Variants in IGSF10 observed in about 807,000 individuals in gnomAD.
The protein encoded by IGSF10 is calvaria mechanical force protein 608.
In IGSF10, 126 loss-of-function variants were observed where a neutral mutation model predicts 128.2. The ratio of observed to expected loss-of-function variants is 0.98; its 90% confidence interval spans 0.85 to 1.14. The LOEUF is 1.14. IGSF10 is among the 50% of genes most tolerant of loss of function. The probability of loss-of-function intolerance (pLI) is 0.00; values close to 1 mark genes in which losing one functional copy is unlikely to be tolerated. For missense variants in IGSF10, 3,295 were observed against 3,149.8 expected (o/e 1.05, Z -1.10); for synonymous variants, 1,185 against 1,146.2 (o/e 1.03, Z -0.68).
the IGSF10 span, among the ~76,000 whole-genome samples, chr3:151,578,940 G>C: frequency 9.9e-5 from 15 of 152,250 alleles, no homozygotes; most frequent in East Asian, 2.9e-3. Flanking sequence ...GAAACAGAAT[G>C]TTTCCACCTA....
chr3:151,461,040 G>A lies in IGSF10; in HGVS notation c.-183C>T, dbSNP rs1722032701. Reference sequence around the variant, plus strand: ...TGCTGGGGTCGTGCGGAGCTGGTCCGGAGCTCTGGGAGGGAAGGAAGGAAG... The same window carrying A: ...TGCTGGGGTCGTGCGGAGCTGGTCCAGAGCTCTGGGAGGGAAGGAAGGAAG... On this transcript the variant is annotated 5_prime_UTR_variant, in exon 1 of 8. Coordinates refer to ENST00000282466, the MANE Select transcript of IGSF10 (RefSeq NM_178822.5). The A allele has an allele frequency of 1.0e-6, 1 of 985,276 alleles. No homozygotes were observed. Among genetic ancestry groups the A allele is most frequent in the Non-Finnish European group, 1.2e-6 (1 of 829,930 alleles). 61.0% of individuals were successfully genotyped at this position (985,276 alleles called of 1,614,324 possible). A position where few individuals can be genotyped will look rare whatever the true frequency, so the allele number is the denominator to read the frequency against.
the IGSF10 span, among the ~76,000 whole-genome samples, chr3:151,609,421 C>G: frequency 2.0e-5 from 3 of 152,062 alleles, no homozygotes; most frequent in South Asian, 6.2e-4. Flanking sequence ...TCTGAGAAGC[C>G]GGATGGTTCC....
chr3:151,432,547 G>A (rs878949723), downstream of IGSF10, among the ~76,000 whole-genome samples: 6 of 152,240 alleles, frequency 3.9e-5, no homozygotes, highest in African/African-American at 1.4e-4. Flanking sequence ...GCATTGGCAA[G>A]TGTGGACTGT....
the IGSF10 span, among the ~76,000 whole-genome samples, chr3:151,526,326 TG>T: frequency 5.3e-5 from 8 of 151,990 alleles, no homozygotes; most frequent in African/African-American, 1.2e-4. Context: ...TTTTCTTGAT[TG>T]TTTTTTTTTT....
At chr3:151,592,927 G>T in the IGSF10 span, among the ~76,000 whole-genome samples, 2 of 152,016 alleles carry the variant, frequency 1.3e-5, no homozygotes, top group Non-Finnish European at 2.9e-5. Flanking sequence ...TAAGTGAAAA[G>T]AATTACAAAG....
chr3:151,553,162 C>T, the IGSF10 span, among the ~76,000 whole-genome samples: 18 of 152,172 alleles, frequency 1.2e-4, no homozygotes, highest in Non-Finnish European at 2.2e-4. Flanking sequence ...GTAACAATTA[C>T]GGTTATACAT....
chr3:151,576,121 T>G, the IGSF10 span, among the ~76,000 whole-genome samples: 1 of 151,918 alleles, frequency 6.6e-6, no homozygotes, highest in Non-Finnish European at 1.5e-5. Context: ...TGTTATCTTT[T>G]TCTTAATTTA....
chr3:151,450,726 G>A (rs1414337961), intron 5 of IGSF10, among the ~76,000 whole-genome samples: 3 of 151,522 alleles, frequency 2.0e-5, no homozygotes, highest in African/African-American at 4.9e-5. Flanking sequence ...GAAAAACCCC[G>A]TCTCTACTAA....
the IGSF10 span, among the ~76,000 whole-genome samples, chr3:151,495,045 C>CT: frequency 6.6e-6 from 1 of 152,132 alleles, no homozygotes; most frequent in Non-Finnish European, 1.5e-5. Context: ...TCTGGTTGTA[C>CT]ATACTACCAT....
the IGSF10 span, among the ~76,000 whole-genome samples, chr3:151,548,793 T>A: frequency 1.3e-5 from 2 of 151,950 alleles, no homozygotes; most frequent in Admixed American, 6.5e-5. Flanking sequence ...CTTGGACTAA[T>A]AATCTTCTAA....
At chr3:151,540,021 G>T in the IGSF10 span, among the ~76,000 whole-genome samples, 1 of 152,122 alleles carries the variant, frequency 6.6e-6, no homozygotes, top group Non-Finnish European at 1.5e-5. Context: ...CTGGGCGTCA[G>T]TGGTGTCATT....
At position 151,448,614 on chromosome 3, in the gene IGSF10, G is replaced by C; in HGVS notation, c.1367C>G (p.Ala456Gly). The C allele has an allele frequency of 6.2e-7, 1 of 1,613,968 alleles. No individual in the cohort carries two copies. The highest frequency in any genetic ancestry group is 8.5e-7 in the Non-Finnish European group (1 of 1,179,914). The part of the protein sequence containing the change: ...STLQIQYSSD[A>G]QITLPRAEMR... ...CTCTGCTCTTGGTAAAGTGATTTGAGCATCACTGGAGTACTGGATCTGTAA... is the reference window on the plus strand; with the variant it reads ...CTCTGCTCTTGGTAAAGTGATTTGACCATCACTGGAGTACTGGATCTGTAA... Residue 456 changes from alanine to glycine, a missense_variant, in exon 6 of 8, where the codon GCT (alanine) becomes GGT (glycine). Coordinates refer to ENST00000282466, the MANE Select transcript of IGSF10 (RefSeq NM_178822.5).
the IGSF10 span, among the ~76,000 whole-genome samples, chr3:151,501,126 A>C: frequency 6.6e-6 from 1 of 152,056 alleles, no homozygotes; most frequent in Non-Finnish European, 1.5e-5. Flanking sequence ...ATAATAAAAA[A>C]CCAAAAAGAT....
chr3:151,600,735 AT>A, the IGSF10 span, among the ~76,000 whole-genome samples: 1 of 152,124 alleles, frequency 6.6e-6, no homozygotes, highest in Non-Finnish European at 1.5e-5. Flanking sequence ...ATTATAGTGT[AT>A]ATTTTCTTAC....
At chr3:151,555,928 C>T in the IGSF10 span, among the ~76,000 whole-genome samples, 1 of 152,134 alleles carries the variant, frequency 6.6e-6, no homozygotes, top group Non-Finnish European at 1.5e-5. Context: ...TAATCTATAA[C>T]CAGATATGCT....
At chr3:151,599,056 G>A in the IGSF10 span, among the ~76,000 whole-genome samples, 1 of 152,182 alleles carries the variant, frequency 6.6e-6, no homozygotes, top group Admixed American at 6.5e-5. Flanking sequence ...ATTCCATGTG[G>A]ATAGGGTGTG....
chr3:151,479,102 T>C, the IGSF10 span, among the ~76,000 whole-genome samples: 1 of 152,202 alleles, frequency 6.6e-6, no homozygotes, highest in African/African-American at 2.4e-5. Context: ...TTTCAAATCC[T>C]GTAGTCTAGG....
chr3:151,562,228 C>T, the IGSF10 span, among the ~76,000 whole-genome samples: 160 of 152,208 alleles, frequency 1.1e-3, 1 homozygote, highest in South Asian at 3.3e-3. Context: ...GCTGCAGTCC[C>T]GCCAGTGCCT....
chr3:151,578,094 C>A, the IGSF10 span, among the ~76,000 whole-genome samples: 1 of 152,120 alleles, frequency 6.6e-6, no homozygotes, highest in African/African-American at 2.4e-5. Flanking sequence ...AGAGGCAATG[C>A]ATTACTGTGT....
Sources: allele counts gnomAD v4.1 joint callset (sites outside exome capture counted in the v4.1 genomes callset), GRCh38; gene constraint gnomAD v4.1.1; transcripts MANE v1.5; gene names NCBI Gene and HGNC (gene_info 2026-07-23, HGNC 2026-07-21).